ELAVL2: variants seen among roughly 807,000 people sequenced by gnomAD.
ELAVL2 encodes ELAV like RNA binding protein 2, also known as ELAV-like protein 2.
A neutral mutation model predicts 34.6 loss-of-function variants in ELAVL2; 4 were observed. That is an observed-to-expected ratio of 0.12 (90% CI 0.06 to 0.26). The LOEUF (loss-of-function observed/expected upper bound fraction) is 0.26. Among genes scored for constraint, ELAVL2 ranks in the 10% least tolerant of loss-of-function variants. The probability of loss-of-function intolerance (pLI) is 1.00; values close to 1 mark genes in which losing one functional copy is unlikely to be tolerated. For synonymous variants in ELAVL2, 193 were observed against 154.8 expected (o/e 1.25, Z -1.83); for missense variants, 432 against 442.8 (o/e 0.98, Z 0.22).
chr9:23,780,925 CCA>C (rs1452169603), intron 1 of ELAVL2, among the ~76,000 whole-genome samples: 1 of 152,102 alleles, frequency 6.6e-6, no homozygotes, highest in African/African-American at 2.4e-5. Flanking sequence ...TATCTCATTC[CCA>C]AGTCCCAGGC....
At position 23,733,659 on chromosome 9, in the gene ELAVL2, A is replaced by G. The variant is rs866652121; in HGVS notation, c.230-2534T>C. Reference sequence around the variant, plus strand: ...CTGGGGCACAAGAGTGCCTACTGAGATTAGATCACTGGGTAAAGTGAAAAG... The same window carrying G: ...CTGGGGCACAAGAGTGCCTACTGAGGTTAGATCACTGGGTAAAGTGAAAAG... On this transcript the variant is annotated intron_variant, in intron 2 of 6. Transcript: ENST00000397312. 3.3e-5 allele frequency among the ~76,000 whole-genome samples: 5 copies of G among 152,180 alleles called. No individual in the cohort carries two copies. The East Asian group carries it at 7.7e-4, about 23-fold the overall frequency.
At chr9:23,837,235 C>T in the ELAVL2 span, among the ~76,000 whole-genome samples, 6 of 152,152 alleles carry the variant, frequency 3.9e-5, no homozygotes, top group Non-Finnish European at 5.9e-5. Flanking sequence ...TGCTGCTCTG[C>T]GTAGCCCAGG....
Position 23,741,627 on chromosome 9 carries a change from C to G in ELAVL2, c.230-10502G>C, listed in dbSNP as rs567216099. Among the ~76,000 whole-genome samples the G allele has an allele frequency of 1.8e-4, 27 of 152,254 alleles. No individual in the cohort carries two copies. In the South Asian group the frequency reaches 5.0e-3, roughly 28 times the overall value. Reference sequence around the variant, plus strand: ...AAACAAACCAGGAACAGAGTCCCCACTGCAAAATCCTCATGATTAGGAGGA... The same window carrying G: ...AAACAAACCAGGAACAGAGTCCCCAGTGCAAAATCCTCATGATTAGGAGGA... On this transcript the variant is annotated intron_variant, in intron 2 of 6. Coordinates refer to ENST00000397312, the MANE Select transcript of ELAVL2 (RefSeq NM_004432.5).
chr9:23,775,865 C>T (rs563409934), intron 1 of ELAVL2, among the ~76,000 whole-genome samples: 57 of 152,106 alleles, frequency 3.7e-4, no homozygotes, highest in Non-Finnish European at 6.9e-4. Context: ...TCCTCAGCAC[C>T]GGAAGAGAGC....
Position 23,755,026 on chromosome 9 carries a change from G to A in ELAVL2, c.229+6980C>T, listed in dbSNP as rs114943539. On this transcript the variant is annotated intron_variant, in intron 2 of 6. Coordinates refer to ENST00000397312, the MANE Select transcript of ELAVL2 (RefSeq NM_004432.5). Reference sequence around the variant, plus strand: ...ACTTACCCCTACATATTTTCTGAACGCTTCCCCATGATTTCCTATTCCGCA... The same window carrying A: ...ACTTACCCCTACATATTTTCTGAACACTTCCCCATGATTTCCTATTCCGCA... 9.8e-3 allele frequency among the ~76,000 whole-genome samples: 1,485 copies of A among 152,152 alleles called. 28 individuals carry two copies. Among genetic ancestry groups the A allele is most frequent in the African/African-American group, 0.034 (1,417 of 41,520 alleles).
chr9:23,748,570 C>CA (rs2051101579), intron 2 of ELAVL2, among the ~76,000 whole-genome samples: 1 of 152,080 alleles, frequency 6.6e-6, no homozygotes, highest in Non-Finnish European at 1.5e-5. Flanking sequence ...AGGCAATTTT[C>CA]AAAAGAATAA....
At chr9:23,777,971 G>A (rs2058488510) in intron 1 of ELAVL2, among the ~76,000 whole-genome samples, 2 of 5,264 alleles carry the variant, frequency 3.8e-4, no homozygotes, top group Non-Finnish European at 6.1e-4. Context: ...AACAGCAGCA[G>A]CCAGGTGGCC....
intron 1 of ELAVL2, among the ~76,000 whole-genome samples, chr9:23,769,049 G>T (rs532120853): frequency 4.7e-4 from 72 of 152,146 alleles, no homozygotes; most frequent in African/African-American, 1.7e-3. Flanking sequence ...TAGAAGCTTT[G>T]AATACCCTGA....
rs200379183 is a variant in ELAVL2, at chr9:23,815,062, GA to G, written c.-16+10743del. On this transcript the variant is annotated intron_variant, in intron 1 of 6. Coordinates refer to ENST00000397312, the MANE Select transcript of ELAVL2 (RefSeq NM_004432.5). Reference sequence around the variant, plus strand: ...ATGTTCACACCATCAGCAATGAGGGGAAAAAAATGTATTTCTATGTAAACTC... The same window carrying G: ...ATGTTCACACCATCAGCAATGAGGGGAAAAAATGTATTTCTATGTAAACTC... 8.8e-4 allele frequency among the ~76,000 whole-genome samples: 134 copies of G among 152,102 alleles called. 3 individuals are homozygous for G. The East Asian group carries it at 0.022, about 25-fold the overall frequency.
At chr9:23,692,926 T>C (rs759733367) in intron 6 of ELAVL2, 42 bp from the exon 7 acceptor site, 1 of 1,573,312 alleles carries the variant, frequency 6.4e-7, no homozygotes, top group Non-Finnish European at 8.7e-7. Flanking sequence ...ACACAAAAAA[T>C]AAAAACAGAG....
intron 2 of ELAVL2, among the ~76,000 whole-genome samples, chr9:23,731,440 G>A (rs2046524749): frequency 6.6e-6 from 1 of 152,138 alleles, no homozygotes; most frequent in African/African-American, 2.4e-5. Flanking sequence ...AAACTGTGGG[G>A]ATAAATCTCT....
chr9:23,797,753 A>AC (rs1214967513), intron 1 of ELAVL2, among the ~76,000 whole-genome samples: 1 of 151,378 alleles, frequency 6.6e-6, no homozygotes, highest in Non-Finnish European at 1.5e-5. Context: ...CATGGAGAAA[A>AC]CCCCGCCTCT....
intron 3 of ELAVL2, among the ~76,000 whole-genome samples, chr9:23,729,736 G>A (rs992652731): frequency 6.6e-6 from 1 of 151,974 alleles, no homozygotes; most frequent in Non-Finnish European, 1.5e-5. Context: ...AGATAAGACA[G>A]GGCTGGTAGG....
the ELAVL2 span, among the ~76,000 whole-genome samples, chr9:23,846,358 CG>C: frequency 6.6e-6 from 1 of 151,540 alleles, no homozygotes; most frequent in Non-Finnish European, 1.5e-5. Context: ...TACATATTAT[CG>C]TAAAAAAATC....
intron 1 of ELAVL2, among the ~76,000 whole-genome samples, chr9:23,782,968 T>C (rs2059256041): frequency 6.6e-6 from 1 of 152,200 alleles, no homozygotes; most frequent in African/African-American, 2.4e-5. Flanking sequence ...AGTTGCTCAT[T>C]GTGCCTTCAT....
chr9:23,838,172 A>G, the ELAVL2 span, among the ~76,000 whole-genome samples: 1 of 152,200 alleles, frequency 6.6e-6, no homozygotes, highest in African/African-American at 2.4e-5. Context: ...AACAATGGCT[A>G]TTTTGAGGTA....
chr9:23,718,277 A>G (rs1056314975), intron 3 of ELAVL2, among the ~76,000 whole-genome samples: 1 of 152,154 alleles, frequency 6.6e-6, no homozygotes, highest in Admixed American at 6.5e-5. Flanking sequence ...TTTAAATTTA[A>G]AACACAATCT....
upstream of ELAVL2, among the ~76,000 whole-genome samples, chr9:23,828,936 C>G (rs1341582826): frequency 6.6e-6 from 1 of 152,160 alleles, no homozygotes; most frequent in African/African-American, 2.4e-5. Context: ...GAAACATTAA[C>G]AAATACATAC....
At chr9:23,699,988 A>G (rs2036629903) in intron 5 of ELAVL2, among the ~76,000 whole-genome samples, 1 of 151,978 alleles carries the variant, frequency 6.6e-6, no homozygotes, top group African/African-American at 2.4e-5. Context: ...TTTCCTTCTC[A>G]TATCTCAAGC....
Sources: allele counts gnomAD v4.1 joint callset (sites outside exome capture counted in the v4.1 genomes callset), GRCh38; gene constraint gnomAD v4.1.1; transcripts MANE v1.5; gene names NCBI Gene and HGNC (gene_info 2026-07-23, HGNC 2026-07-21).